Variants in ZNF438 observed in about 807,000 individuals in gnomAD.
The protein encoded by ZNF438 is zinc finger protein 438.
In ZNF438, 25 loss-of-function variants were observed where a neutral mutation model predicts 38.0. The observed-to-expected ratio is 0.66, with a 90% CI of 0.48 to 0.92. The LOEUF (loss-of-function observed/expected upper bound fraction) is 0.92, where lower values mean the gene tolerates loss of function less well. ZNF438 is among the 40% of genes least tolerant of loss of function. The pLI is 0.00. For synonymous variants in ZNF438, 372 were observed against 364.1 expected, an observed-to-expected ratio of 1.02 and a Z score of -0.25; for missense variants, 1,007 against 999.6, an observed-to-expected ratio of 1.01 and a Z score of -0.10.
At chr10:31,030,780 C>T (rs767764926) in intron 1 of ZNF438, among the ~76,000 whole-genome samples, 11 of 152,222 alleles carry the variant, frequency 7.2e-5, no homozygotes, top group Non-Finnish European at 1.6e-4. Context: ...CTGAAGACTA[C>T]TAGTCCCGGA....
intron 4 of ZNF438, among the ~76,000 whole-genome samples, chr10:30,866,904 A>T (rs996414480): frequency 6.6e-6 from 1 of 152,188 alleles, no homozygotes; most frequent in African/African-American, 2.4e-5. Flanking sequence ...CGCACAATGA[A>T]GTATATGGAA....
At chr10:31,025,228 G>C (rs1330759779) in intron 1 of ZNF438, among the ~76,000 whole-genome samples, 1 of 152,202 alleles carries the variant, frequency 6.6e-6, no homozygotes, top group Non-Finnish European at 1.5e-5. Flanking sequence ...AGATATTACA[G>C]AATTTCTCAA....
At chr10:30,927,888 A>C (rs2045149380) in intron 2 of ZNF438, among the ~76,000 whole-genome samples, 1 of 152,198 alleles carries the variant, frequency 6.6e-6, no homozygotes. Context: ...AAAAAAGTAC[A>C]GAAATTCTCT....
intron 3 of ZNF438, among the ~76,000 whole-genome samples, chr10:30,901,004 A>C (rs2041909091): frequency 1.3e-5 from 2 of 152,204 alleles, no homozygotes; most frequent in East Asian, 3.8e-4. Flanking sequence ...ATTTTCTCTA[A>C]ATGACTGTCC....
At chr10:30,972,040 GC>G (rs2050799803) in intron 1 of ZNF438, among the ~76,000 whole-genome samples, 1 of 151,484 alleles carries the variant, frequency 6.6e-6, no homozygotes, top group African/African-American at 2.4e-5. Context: ...CACAATCTTG[GC>G]TCACTGCAAG....
chr10:30,948,564 T>G (rs1194813208), intron 1 of ZNF438, among the ~76,000 whole-genome samples: 1 of 151,242 alleles, frequency 6.6e-6, no homozygotes, highest in East Asian at 1.9e-4. Flanking sequence ...AAGGAGCTGA[T>G]GGAGCTGAAA....
At chr10:30,845,834 G>A (rs913027100) in intron 5 of ZNF438, among the ~76,000 whole-genome samples, 2 of 152,144 alleles carry the variant, frequency 1.3e-5, no homozygotes, top group African/African-American at 2.4e-5. Context: ...TGTCCCAGGC[G>A]AGCTAACTCG....
At chr10:30,910,958 T>G (rs2043022007) in intron 2 of ZNF438, among the ~76,000 whole-genome samples, 1 of 152,062 alleles carries the variant, frequency 6.6e-6, no homozygotes, top group Non-Finnish European at 1.5e-5. Context: ...AATATGGTAG[T>G]TCAAGCAAAT....
chr10:31,007,962 G>A lies in ZNF438; in HGVS notation c.-192+23871C>T, dbSNP rs187139277. 1.6e-3 allele frequency among the ~76,000 whole-genome samples: 240 copies of A among 152,268 alleles called. 3 individuals carry two copies. Among genetic ancestry groups the A allele is most frequent in the African/African-American group, 5.6e-3 (232 of 41,566 alleles). The stretch of plus-strand genomic sequence containing the variant: ...GTTTCTGCCAGCTCTAAAACTTTAC[G>A]ATTCTAAAATCTAATTTCTTAATGA... On this transcript the variant is annotated intron_variant, in intron 1 of 5. Coordinates refer to ENST00000413025, the Ensembl canonical transcript of ZNF438.
At chr10:30,926,754 A>G (rs915064691) in intron 2 of ZNF438, among the ~76,000 whole-genome samples, 9 of 152,168 alleles carry the variant, frequency 5.9e-5, no homozygotes, top group Non-Finnish European at 1.2e-4. Flanking sequence ...TTGAGGGCAG[A>G]AATGAATGGA....
At chr10:31,018,373 C>A (rs1000073792) in intron 1 of ZNF438, among the ~76,000 whole-genome samples, 1 of 152,176 alleles carries the variant, frequency 6.6e-6, no homozygotes, top group Non-Finnish European at 1.5e-5. Context: ...CTGGCAAGGA[C>A]GAATCAACTC....
intron 4 of ZNF438, among the ~76,000 whole-genome samples, chr10:30,868,505 T>G (rs4749631): frequency 0.59 from 89,041 of 151,906 alleles, 26,358 homozygotes; most frequent in African/African-American, 0.62. Flanking sequence ...TAGGATTTTG[T>G]TGCCCATTAA....
chr10:30,994,855 A>T (rs2132627125), intron 1 of ZNF438, among the ~76,000 whole-genome samples: 1 of 152,024 alleles, frequency 6.6e-6, no homozygotes, highest in South Asian at 2.1e-4. Context: ...ACATGGTGAG[A>T]CCCTGTCTCT....
At chr10:30,920,519 A>G (rs915261694) in intron 2 of ZNF438, 3 of 152,152 alleles carry the variant, frequency 2.0e-5, no homozygotes, top group Admixed American at 6.5e-5. Flanking sequence ...AGGTAGCTAC[A>G]CCATCCTTTT....
At chr10:30,994,389 C>T (rs1296680588) in intron 1 of ZNF438, among the ~76,000 whole-genome samples, 1 of 152,194 alleles carries the variant, frequency 6.6e-6, no homozygotes, top group Admixed American at 6.5e-5. Context: ...GTTCTGCTCT[C>T]ATGAATGGAT....
chr10:30,956,339 AGTTTT>A (rs2048859895), intron 1 of ZNF438, among the ~76,000 whole-genome samples: 2 of 152,334 alleles, frequency 1.3e-5, no homozygotes, highest in South Asian at 4.1e-4. Context: ...ATCTTTTTAA[AGTTTT>A]ATTTTATTTT....
Position 30,845,894 on chromosome 10 carries a change from G to C in ZNF438, c.1875-321C>G, listed in dbSNP as rs1378375082. ...GCAATCACGTGGAAGAGTCACGTAA[G>C]AGCGCGTGAAGGGCACGGGAACACC... On this transcript the variant is annotated intron_variant, in intron 5 of 5. Transcript: ENST00000413025. Among the ~76,000 whole-genome samples, 4 of 152,220 alleles carry C rather than the reference G, an allele frequency of 2.6e-5. No homozygotes were observed. The East Asian group carries it at 7.7e-4, about 29-fold the overall frequency.
chr10:30,942,923 G>C (rs1393362992), intron 1 of ZNF438, among the ~76,000 whole-genome samples: 2 of 152,114 alleles, frequency 1.3e-5, no homozygotes, highest in Non-Finnish European at 2.9e-5. Context: ...GCCTTTTCAA[G>C]GCAGAAGAAC....
At chr10:30,982,093 CTCTT>C (rs1272225774) in intron 1 of ZNF438, among the ~76,000 whole-genome samples, 3 of 147,624 alleles carry the variant, frequency 2.0e-5, no homozygotes, top group Non-Finnish European at 4.5e-5. Context: ...CATCCTTTTT[CTCTT>C]TCTTTTTTTT....
Sources: gnomAD v4.1 joint callset for allele counts (sites outside exome capture counted in the v4.1 genomes callset) on GRCh38, gnomAD v4.1.1 for gene constraint, MANE v1.5 for transcripts, NCBI Gene and HGNC (gene_info 2026-07-23, HGNC 2026-07-21) for gene names.